ZCCHC14: variants seen among roughly 807,000 people sequenced by gnomAD.
ZCCHC14 encodes zinc finger CCHC domain-containing protein 14.
Under a neutral mutation model 85.0 loss-of-function variants are expected in ZCCHC14, and 16 were observed. That is an observed-to-expected ratio of 0.19 (90% CI 0.13 to 0.29). The LOEUF (loss-of-function observed/expected upper bound fraction) is 0.29, where lower values mean the gene tolerates loss of function less well. Among genes scored for constraint, ZCCHC14 ranks in the 10% least tolerant of loss-of-function variants. ZCCHC14 has a pLI of 1.00. For missense variants in ZCCHC14, 1,303 were observed against 1,443.5 expected (o/e 0.90, Z 1.58); for synonymous variants, 775 against 630.7 (o/e 1.23, Z -3.43).
At chr16:87,430,516 A>ATTTC (rs909167599) in intron 3 of ZCCHC14, among the ~76,000 whole-genome samples, 5 of 149,606 alleles carry the variant, frequency 3.3e-5, no homozygotes, top group Non-Finnish European at 7.4e-5. Context: ...CTTTAACTTG[A>ATTTC]TTTCTTTCTT....
At chr16:87,428,289 G>T (rs1435530948) in intron 3 of ZCCHC14, among the ~76,000 whole-genome samples, 1 of 152,172 alleles carries the variant, frequency 6.6e-6, no homozygotes, top group African/African-American at 2.4e-5. Flanking sequence ...GGGGCAGGGA[G>T]AAGTTACTTA....
chr16:87,460,593 C>T (rs551478402), intron 1 of ZCCHC14, among the ~76,000 whole-genome samples: 9 of 152,004 alleles, frequency 5.9e-5, no homozygotes, highest in East Asian at 3.9e-4. Context: ...GGGAGGCTGA[C>T]GTGGGAGGAT....
At position 87,412,129 on chromosome 16, in the gene ZCCHC14, T is replaced by C. The variant is rs1206003031; in HGVS notation, c.2592A>G (p.Pro864=). Residue 864 remains proline (P), a synonymous_variant, in exon 12 of 13, where the codon CCA becomes CCG. Transcript: ENST00000671377. Reference sequence around the variant, plus strand: ...ACAGCGCCGGGCTGGAGCTGGGGGCTGGGCAGCTGGGCAACGTGGCCATGT... The same window carrying C: ...ACAGCGCCGGGCTGGAGCTGGGGGCCGGGCAGCTGGGCAACGTGGCCATGT... ...FANMATLPSC[P]APSSSPALSS... is the part of the protein sequence containing the mutation. The C allele has an allele frequency of 6.2e-7, 1 of 1,613,734 alleles. No homozygotes were observed. Among genetic ancestry groups the C allele is most frequent in the African/African-American group, 1.3e-5 (1 of 75,024 alleles).
rs372561977 is a variant in ZCCHC14, at chr16:87,412,034, G to C, written c.2687C>G (p.Ser896Trp). 1.2e-6 allele frequency: 2 copies of C among 1,609,344 alleles called. No individual in the cohort carries two copies. Among genetic ancestry groups the C allele is most frequent in the Non-Finnish European group, 1.7e-6 (2 of 1,179,928 alleles). ...GTGGTGGTGGTGGTGGTTCGGATTCGAGGCAGGAATGTTTCCTGTGGAGCC... is the reference window on the plus strand; with the variant it reads ...GTGGTGGTGGTGGTGGTTCGGATTCCAGGCAGGAATGTTTCCTGTGGAGCC... Reference protein sequence around the residue: ...GGGSTGNIPASNPNHHHHHHH... With the variant: ...GGGSTGNIPAWNPNHHHHHHH... The change falls in exon 12 of 13, where the codon TCG becomes TGG. Residue 896 changes from serine (S) to tryptophan (W), a missense_variant. By Grantham distance (177) the Ser-to-Trp change is radical. Around this residue, in one of 7 missense-constraint regions of ZCCHC14, gnomAD observed 797 missense variants for 730.8 expected, o/e 1.09. Transcript: ENST00000671377.
At chr16:87,448,882 T>C (rs1181004151) in intron 2 of ZCCHC14, among the ~76,000 whole-genome samples, 3 of 151,540 alleles carry the variant, frequency 2.0e-5, no homozygotes, top group Non-Finnish European at 2.9e-5. Context: ...ATGCTGCAGC[T>C]GGCTTACGGT....
chr16:87,443,147 C>T (rs928984569), intron 2 of ZCCHC14, among the ~76,000 whole-genome samples: 1 of 152,184 alleles, frequency 6.6e-6, no homozygotes, highest in Non-Finnish European at 1.5e-5. Flanking sequence ...AAATCATTAA[C>T]GCGGTCCCAA....
At chr16:87,476,883 T>G (rs1356900700) in intron 1 of ZCCHC14, among the ~76,000 whole-genome samples, 1 of 151,772 alleles carries the variant, frequency 6.6e-6, no homozygotes, top group Non-Finnish European at 1.5e-5. Context: ...TCCCAGCACT[T>G]TGGAAGGCTG....
chr16:87,481,338 T>C (rs1223748501), intron 1 of ZCCHC14, among the ~76,000 whole-genome samples: 3 of 152,116 alleles, frequency 2.0e-5, no homozygotes, highest in East Asian at 1.9e-4. Context: ...ATCAACTGAC[T>C]TGCATTCTAA....
intron 7 of ZCCHC14, 81 bp downstream of exon 7, chr16:87,418,766 G>T: frequency 7.2e-7 from 1 of 1,391,204 alleles, no homozygotes. Flanking sequence ...CTTAATTCTT[G>T]GAACAACTTT....
At chr16:87,476,395 C>T (rs1283595214) in intron 1 of ZCCHC14, among the ~76,000 whole-genome samples, 2 of 152,062 alleles carry the variant, frequency 1.3e-5, no homozygotes, top group African/African-American at 2.4e-5. Flanking sequence ...TACATTCATA[C>T]TGAAGCAAAC....
At chr16:87,464,374 A>G (rs1021736994) in intron 1 of ZCCHC14, among the ~76,000 whole-genome samples, 1 of 152,198 alleles carries the variant, frequency 6.6e-6, no homozygotes, top group East Asian at 1.9e-4. Context: ...TGGTGATTCT[A>G]ATTTGCAGCT....
intron 2 of ZCCHC14, among the ~76,000 whole-genome samples, chr16:87,436,890 A>G (rs1358924963): frequency 6.6e-6 from 1 of 152,170 alleles, no homozygotes; most frequent in Non-Finnish European, 1.5e-5. Flanking sequence ...GCTTTTCCCC[A>G]CATTTCTGTA....
At chr16:87,439,548 T>C (rs568627168) in intron 2 of ZCCHC14, among the ~76,000 whole-genome samples, 69 of 152,298 alleles carry the variant, frequency 4.5e-4, no homozygotes, top group African/African-American at 1.6e-3. Context: ...GATATTCCTA[T>C]AAATTAAAAA....
At chr16:87,456,900 T>C (rs1036145603) in intron 2 of ZCCHC14, among the ~76,000 whole-genome samples, 3 of 152,314 alleles carry the variant, frequency 2.0e-5, no homozygotes, top group East Asian at 3.9e-4. Context: ...CCTCCTTCAC[T>C]GTCTCACAAA....
chr16:87,461,653 G>T (rs1245058027), intron 1 of ZCCHC14, among the ~76,000 whole-genome samples: 1 of 152,200 alleles, frequency 6.6e-6, no homozygotes, highest in Non-Finnish European at 1.5e-5. Context: ...CAGAGGGCTG[G>T]CCAGGTAGGC....
chr16:87,483,756 C>T (rs1051014612), intron 1 of ZCCHC14, among the ~76,000 whole-genome samples: 7 of 152,258 alleles, frequency 4.6e-5, no homozygotes, highest in East Asian at 1.9e-4. Context: ...AAGCAGATCT[C>T]GGCAACAGGT....
At chr16:87,455,743 A>G (rs1465281431) in intron 2 of ZCCHC14, among the ~76,000 whole-genome samples, 1 of 152,258 alleles carries the variant, frequency 6.6e-6, no homozygotes, top group Admixed American at 6.5e-5. Flanking sequence ...ACTTTACAAC[A>G]GTGCAAAAGC....
chr16:87,415,248 C>T, intron 9 of ZCCHC14, 28 bp downstream of exon 9: 1 of 1,607,358 alleles, frequency 6.2e-7, no homozygotes, highest in South Asian at 1.1e-5. Context: ...GAAATAAACA[C>T]AGGTTTCAAA....
At chr16:87,430,458 ATTCGT>A (rs1226128331) in intron 3 of ZCCHC14, among the ~76,000 whole-genome samples, 1 of 151,768 alleles carries the variant, frequency 6.6e-6, no homozygotes, top group African/African-American at 2.4e-5. Flanking sequence ...AAGTCTTCCA[ATTCGT>A]TTCTTCTTTT....
Sources: allele counts gnomAD v4.1 joint callset (sites outside exome capture counted in the v4.1 genomes callset), GRCh38; gene constraint gnomAD v4.1.1; regional missense constraint gnomAD v4.1.1; transcripts MANE v1.5; gene names NCBI Gene and HGNC (gene_info 2026-07-23, HGNC 2026-07-21).